The following SRGAP3 variants were observed in gnomAD, a reference collection of about 807,000 sequenced individuals.
The protein encoded by SRGAP3 is SLIT-ROBO Rho GTPase-activating protein 3.
In SRGAP3, 39 loss-of-function variants were observed where a neutral mutation model predicts 121.1. That is an observed-to-expected ratio of 0.32 (90% CI 0.25 to 0.42). The LOEUF is 0.42. Among genes scored for constraint, SRGAP3 ranks in the 10% least tolerant of loss-of-function variants. The probability of loss-of-function intolerance (pLI) is 1.00; values close to 1 mark genes in which losing one functional copy is unlikely to be tolerated. For missense variants in SRGAP3, 1,213 were observed against 1,470.6 expected, an observed-to-expected ratio of 0.82 and a Z score of 2.86; for synonymous variants, 601 against 570.0, an observed-to-expected ratio of 1.05 and a Z score of -0.77.
chr3:9,075,022 T>C (rs1247319093), intron 4 of SRGAP3, among the ~76,000 whole-genome samples: 4 of 152,234 alleles, frequency 2.6e-5, no homozygotes, highest in Admixed American at 2.6e-4. Context: ...CACTAGTTAC[T>C]GACACACATG....
intron 3 of SRGAP3, among the ~76,000 whole-genome samples, chr3:9,283,555 T>G (rs1371171877): frequency 6.6e-6 from 1 of 152,240 alleles, no homozygotes; most frequent in Non-Finnish European, 1.5e-5. Context: ...AATTTTCATT[T>G]GAAAGCTTGA....
chr3:9,348,865 A>C, intron 1 of SRGAP3: 1 of 1,255,010 alleles, frequency 8.0e-7, no homozygotes, highest in African/African-American at 1.5e-5. Context: ...GCAGGTTTGC[A>C]AACCTCACTG....
At chr3:9,076,795 T>C (rs4686321) in intron 4 of SRGAP3, among the ~76,000 whole-genome samples, 107,865 of 151,430 alleles carry the variant, frequency 0.71, 38,672 homozygotes, top group African/African-American at 0.8. Context: ...GTGTGCATGG[T>C]TGGCCAGGGG....
At chr3:9,214,408 A>C (rs188645826) in intron 1 of SRGAP3, among the ~76,000 whole-genome samples, 3 of 152,320 alleles carry the variant, frequency 2.0e-5, no homozygotes, top group African/African-American at 7.2e-5. Context: ...ACACAGTAAT[A>C]AAGAAGCCTG....
intron 3 of SRGAP3, among the ~76,000 whole-genome samples, chr3:9,086,848 A>G (rs541928669): frequency 1.6e-5 from 2 of 122,268 alleles, no homozygotes; most frequent in East Asian, 2.4e-4. Context: ...ATGTATACAT[A>G]CTATACACAT....
chr3:9,050,886 T>A (rs576063056), intron 9 of SRGAP3, among the ~76,000 whole-genome samples: 5 of 152,340 alleles, frequency 3.3e-5, no homozygotes, highest in Admixed American at 3.3e-4. Context: ...GGAGAAAATG[T>A]AGTGTGTATC....
At chr3:9,014,105 T>A (rs1289648237) in intron 15 of SRGAP3, 1 of 514,896 alleles carries the variant, frequency 1.9e-6, no homozygotes. Flanking sequence ...CACAGGGAGA[T>A]GCCCTCTTGG....
At chr3:9,020,085 T>C in intron 14 of SRGAP3, among the ~76,000 whole-genome samples, 1 of 152,186 alleles carries the variant, frequency 6.6e-6, no homozygotes, top group Non-Finnish European at 1.5e-5. Flanking sequence ...CACCATTCTC[T>C]CCTGTGAGAG....
intron 3 of SRGAP3, among the ~76,000 whole-genome samples, chr3:9,087,600 C>T (rs181106116): frequency 2.5e-4 from 38 of 152,168 alleles, no homozygotes; most frequent in African/African-American, 7.7e-4. Context: ...GCAGGAGGCA[C>T]GGAGACTGGG....
chr3:9,090,015 C>A (rs1947681770), intron 3 of SRGAP3, among the ~76,000 whole-genome samples: 2 of 152,054 alleles, frequency 1.3e-5, no homozygotes, highest in South Asian at 4.1e-4. Flanking sequence ...TCTAGTGGTG[C>A]CTAAACAAGA....
At chr3:9,352,904 G>A (rs1053528926) in intron 1 of SRGAP3, among the ~76,000 whole-genome samples, 3 of 152,248 alleles carry the variant, frequency 2.0e-5, no homozygotes, top group African/African-American at 7.2e-5. Flanking sequence ...GCTGATTTCT[G>A]TTGTTGTTCC....
chr3:9,284,842 A>AG, intron 3 of SRGAP3, among the ~76,000 whole-genome samples: 1 of 151,598 alleles, frequency 6.6e-6, no homozygotes, highest in Admixed American at 6.6e-5. Flanking sequence ...CAAAAAAAAA[A>AG]AAAAAAAAAA....
At chr3:9,211,434 C>A (rs410320) in intron 1 of SRGAP3, among the ~76,000 whole-genome samples, 1,939 of 152,302 alleles carry the variant, frequency 0.013, 28 homozygotes, top group African/African-American at 0.031. Flanking sequence ...CACCTTGAAG[C>A]TGGGGAGAAA....
chr3:9,149,170 C>T (rs934980588), intron 1 of SRGAP3, among the ~76,000 whole-genome samples: 6 of 148,948 alleles, frequency 4.0e-5, no homozygotes, highest in Admixed American at 2.7e-4. Context: ...GCCGAGATCG[C>T]GCCACTGCAC....
chr3:9,106,903 C>T (rs911135027), intron 2 of SRGAP3, among the ~76,000 whole-genome samples: 1 of 152,008 alleles, frequency 6.6e-6, no homozygotes, highest in African/African-American at 2.4e-5. Context: ...CCCTGAACTG[C>T]TGTCCCCACC....
intron 1 of SRGAP3, among the ~76,000 whole-genome samples, chr3:9,178,503 C>G (rs1053909840): frequency 6.6e-6 from 1 of 152,190 alleles, no homozygotes; most frequent in African/African-American, 2.4e-5. Flanking sequence ...CTGATTCCAG[C>G]CAGTCTGAAT....
chr3:9,241,194 G>A (rs910375379), intron 1 of SRGAP3, among the ~76,000 whole-genome samples: 2 of 151,910 alleles, frequency 1.3e-5, no homozygotes, highest in Admixed American at 1.3e-4. Flanking sequence ...AGAGTTACAG[G>A]GATCACAAAA....
At chr3:8,997,084 A>G (rs148386819) in intron 18 of SRGAP3, among the ~76,000 whole-genome samples, 12 of 152,346 alleles carry the variant, frequency 7.9e-5, no homozygotes, top group Non-Finnish European at 1.3e-4. Flanking sequence ...ACGTCGTTAC[A>G]TAAGTGTGTG....
In SRGAP3 at chr3:8,992,944, C is replaced by T. The variant is rs1346340428; in HGVS notation, c.2520G>A (p.Glu840=). The T allele has an allele frequency of 6.2e-7, 1 of 1,614,244 alleles. No individual in the cohort carries two copies. The highest frequency in any genetic ancestry group is 1.3e-5 in the African/African-American group (1 of 75,062). Residue 840 remains glutamate, a synonymous_variant, in exon 20 of 22, where the codon GAG becomes GAA. Coordinates refer to ENST00000383836, the MANE Select transcript of SRGAP3 (RefSeq NM_014850.4). ...SSKNDLQSPT[E]HISDYGFGGV... ...CCCCAAAGCCGTAATCCGAGATGTGCTCCGTGGGGGACTGGAGGTCGTTTT... is the reference window on the plus strand; with the variant it reads ...CCCCAAAGCCGTAATCCGAGATGTGTTCCGTGGGGGACTGGAGGTCGTTTT...
Sources: allele counts gnomAD v4.1 joint callset (sites outside exome capture counted in the v4.1 genomes callset), GRCh38; gene constraint gnomAD v4.1.1; transcripts MANE v1.5; gene names NCBI Gene and HGNC (gene_info 2026-07-23, HGNC 2026-07-21).